The following PLEKHA8 variants were observed in gnomAD, a reference collection of about 807,000 sequenced individuals.
PLEKHA8 encodes the protein pleckstrin homology domain-containing family A member 8.
A neutral mutation model predicts 68.2 loss-of-function variants in PLEKHA8; 36 were observed. That is an observed-to-expected ratio of 0.53 (90% CI 0.40 to 0.70). The LOEUF (loss-of-function observed/expected upper bound fraction) is 0.70, where lower values mean the gene tolerates loss of function less well. Among genes scored for constraint, PLEKHA8 ranks in the 30% least tolerant of loss-of-function variants. The pLI is 0.00. For missense variants in PLEKHA8, 505 were observed against 615.4 expected (o/e 0.82, Z 1.90); for synonymous variants, 211 against 216.1 (o/e 0.98, Z 0.20).
chr7:30,056,324 A>AT (rs1792896194), intron 9 of PLEKHA8, among the ~76,000 whole-genome samples: 2 of 129,890 alleles, frequency 1.5e-5, no homozygotes, highest in African/African-American at 2.8e-5. Flanking sequence ...ATATATATAT[A>AT]TATATATAAA....
chr7:30,028,675 C>A lies in PLEKHA8; in HGVS notation c.-88C>A, dbSNP rs1482419622. The A allele has an allele frequency of 4.1e-5, 43 of 1,039,904 alleles. No individual in the cohort carries two copies. Among genetic ancestry groups the A allele is most frequent in the Non-Finnish European group, 5.2e-5 (42 of 807,110 alleles). 64.4% of individuals were successfully genotyped at this position (1,039,904 alleles called of 1,614,324 possible). On this transcript the variant is annotated 5_prime_UTR_variant, in exon 1 of 14. Coordinates refer to ENST00000449726, the MANE Select transcript of PLEKHA8 (RefSeq NM_001197026.2). ...GAGTGGGCGTCTGGGCAGCGCCAGG[C>A]GATGGCCCTGCTGCTGGTGCTCCTC...
Position 30,061,908 on chromosome 7 carries a change from G to A in PLEKHA8, c.1110G>A (p.Gln370=). The A allele has an allele frequency of 1.2e-6, 2 of 1,613,884 alleles. No homozygotes were observed. Among genetic ancestry groups the A allele is most frequent in the Non-Finnish European group, 1.7e-6 (2 of 1,179,944 alleles). ...TGCTTTCCCTCCAGAAAGTAAATCA[G>A]AAGTATATAACCAACAAAGAAGAGT... ...DLVGNIKKVN[Q]KYITNKEEFT... is the part of the protein sequence containing the mutation. Residue 370 remains glutamine, a synonymous_variant, in exon 11 of 14, where the codon CAG becomes CAA. Transcript: ENST00000449726.
downstream of PLEKHA8, among the ~76,000 whole-genome samples, chr7:30,092,606 G>A (rs1157866770): frequency 1.3e-5 from 2 of 152,134 alleles, no homozygotes; most frequent in Non-Finnish European, 2.9e-5. Context: ...TCCATACTCC[G>A]GAGGACATCT....
chr7:30,124,657 T>TA (rs1433171901), intron 13 of PLEKHA8, among the ~76,000 whole-genome samples: 1 of 152,220 alleles, frequency 6.6e-6, no homozygotes, highest in African/African-American at 2.4e-5. Flanking sequence ...TTCTAGGTCT[T>TA]ACCAGAATAA....
rs1299420763 is a variant in PLEKHA8, at chr7:30,083,971, T to G, written c.*5184T>G. 1.0e-6 allele frequency: 1 copy of G among 985,340 alleles called. No individual in the cohort carries two copies. The highest frequency in any genetic ancestry group is 1.2e-6 in the Non-Finnish European group (1 of 829,914). The allele number at this position is 985,340 out of a possible 1,614,324, so 61.0% of individuals were successfully genotyped here. On this transcript the variant is annotated 3_prime_UTR_variant, in exon 14 of 14. Transcript: ENST00000449726. ...GATGCTCTAGAAGTACTTCTGTTGT[T>G]TCCTAGAAGGCTATGAGCCAGTTCC...
In PLEKHA8 at chr7:30,056,312, CTA is replaced by C. The variant is rs1554385029; in HGVS notation, c.1039+989_1039+990del. 2.3e-3 allele frequency among the ~76,000 whole-genome samples: 217 copies of C among 94,554 alleles called. 4 individuals are homozygous for C. The highest frequency in any genetic ancestry group is 3.8e-3 in the African/African-American group (97 of 25,732). The allele number at this position is 94,554 out of a possible 152,430, so 62.0% of individuals were successfully genotyped here. A position where few individuals can be genotyped will look rare whatever the true frequency, so the allele number is the denominator to read the frequency against. ...TCTCTCTCTCTCTCTCTCTCTCTCT[CTA>C]TATATATATATATATATAAATAACA... On this transcript the variant is annotated intron_variant, in intron 9 of 13. Coordinates refer to ENST00000449726, the MANE Select transcript of PLEKHA8 (RefSeq NM_001197026.2).
At chr7:30,050,873 C>T (rs1767256794) in intron 6 of PLEKHA8, 1 of 153,202 alleles carries the variant, frequency 6.5e-6, no homozygotes, top group Admixed American at 6.5e-5. Flanking sequence ...GGTAGCGTTG[C>T]AGGTTGAAAA....
chr7:30,047,697 A>G (rs1237653827), intron 3 of PLEKHA8, 135 bp from the exon 4 acceptor site: 2 of 892,094 alleles, frequency 2.2e-6, no homozygotes, highest in Non-Finnish European at 3.2e-6. Context: ...TGCAACCCAT[A>G]CTTTAAAGAT....
chr7:30,033,877 A>T (rs1272717100), intron 1 of PLEKHA8, among the ~76,000 whole-genome samples: 1 of 151,908 alleles, frequency 6.6e-6, no homozygotes, highest in Non-Finnish European at 1.5e-5. Context: ...TTTGATTTAT[A>T]TTTCTCTGAC....
chr7:30,093,609 T>TA (rs1308120537), downstream of PLEKHA8, among the ~76,000 whole-genome samples: 2 of 152,234 alleles, frequency 1.3e-5, no homozygotes, highest in Non-Finnish European at 2.9e-5. Context: ...TAAACTGAGA[T>TA]AAAGAGATTG....
chr7:30,070,745 C>T (rs1031621029), intron 12 of PLEKHA8, among the ~76,000 whole-genome samples: 2 of 152,060 alleles, frequency 1.3e-5, no homozygotes, highest in Non-Finnish European at 2.9e-5. Flanking sequence ...AGGGTTTCAC[C>T]GTCTTGTCCA....
At chr7:30,096,593 G>T (rs1374091313) in intron 13 of PLEKHA8, among the ~76,000 whole-genome samples, 2 of 152,154 alleles carry the variant, frequency 1.3e-5, no homozygotes, top group Non-Finnish European at 1.5e-5. Flanking sequence ...GGGCATCTTT[G>T]TCTCTTTTGA....
intron 13 of PLEKHA8, among the ~76,000 whole-genome samples, chr7:30,112,381 T>C (rs1796301183): frequency 6.6e-6 from 1 of 150,846 alleles, no homozygotes; most frequent in Admixed American, 6.6e-5. Flanking sequence ...AGATAACTCC[T>C]TAAAAAAAAA....
chr7:30,030,789 T>G (rs990453689), intron 1 of PLEKHA8, among the ~76,000 whole-genome samples: 4 of 152,256 alleles, frequency 2.6e-5, no homozygotes, highest in African/African-American at 9.6e-5. Flanking sequence ...GAGGATCACA[T>G]GCATTCTTGT....
intron 8 of PLEKHA8, 40 bp downstream of exon 8, chr7:30,054,905 A>G (rs375296009): frequency 3.3e-6 from 5 of 1,534,484 alleles, no homozygotes; most frequent in African/African-American, 1.4e-5. Flanking sequence ...CTTGGATACT[A>G]ACTTCCATTC....
At chr7:30,117,603 C>T (rs1796606820) in intron 13 of PLEKHA8, among the ~76,000 whole-genome samples, 1 of 151,992 alleles carries the variant, frequency 6.6e-6, no homozygotes, top group African/African-American at 2.4e-5. Context: ...ACTCAGGAGG[C>T]TGAGGCGAGA....
chr7:30,062,781 CTG>C (rs759415443), intron 12 of PLEKHA8, 39 bp downstream of exon 12: 3 of 1,506,504 alleles, frequency 2.0e-6, no homozygotes, highest in East Asian at 2.3e-5. Flanking sequence ...AGTCAATAGA[CTG>C]TGGAATGGAG....
intron 12 of PLEKHA8, chr7:30,071,731 A>G (rs1794250034): frequency 6.6e-6 from 1 of 152,296 alleles, no homozygotes; most frequent in East Asian, 1.9e-4. Flanking sequence ...GTATTTCTTT[A>G]TTTATAATGG....
chr7:30,129,786 T>C (rs1264834452), downstream of PLEKHA8: 1 of 156,650 alleles, frequency 6.4e-6, no homozygotes, highest in Non-Finnish European at 1.4e-5. Context: ...AAACTGGGGT[T>C]TGCAGGGGTT....
Sources: gnomAD v4.1 joint callset for allele counts (sites outside exome capture counted in the v4.1 genomes callset) on GRCh38, gnomAD v4.1.1 for gene constraint, MANE v1.5 for transcripts, NCBI Gene and HGNC (gene_info 2026-07-23, HGNC 2026-07-21) for gene names.